DAB1: variants seen among roughly 807,000 people sequenced by gnomAD.
DAB1 encodes disabled homolog 1.
A neutral mutation model predicts 64.6 loss-of-function variants in DAB1; 15 were observed. The ratio of observed to expected loss-of-function variants is 0.23; its 90% CI spans 0.16 to 0.36. DAB1 has a LOEUF of 0.36. Ranked by LOEUF, DAB1 falls within the 10% of genes least tolerant of loss-of-function variation. The probability of loss-of-function intolerance (pLI) is 1.00; values close to 1 mark genes in which losing one functional copy is unlikely to be tolerated. For synonymous variants in DAB1, 235 were observed against 251.9 expected (o/e 0.93, Z 0.64); for missense variants, 596 against 706.7 (o/e 0.84, Z 1.78).
intron 1 of DAB1, among the ~76,000 whole-genome samples, chr1:57,841,090 G>A (rs1653028228): frequency 6.6e-6 from 1 of 152,172 alleles, no homozygotes; most frequent in East Asian, 1.9e-4. Context: ...GTAGATGGGA[G>A]AAACTGGCCA....
At chr1:57,734,524 G>A (rs532175407) in intron 6 of DAB1, among the ~76,000 whole-genome samples, 1 of 152,306 alleles carries the variant, frequency 6.6e-6, no homozygotes, top group South Asian at 2.1e-4. Flanking sequence ...GATCCACAGA[G>A]GGTCAAATCT....
chr1:57,024,173 C>T (rs373855922), intron 10 of DAB1, among the ~76,000 whole-genome samples: 3 of 152,012 alleles, frequency 2.0e-5, no homozygotes, highest in Non-Finnish European at 4.4e-5. Context: ...CTGGTGCCCC[C>T]CCGCCACACC....
intron 1 of DAB1, among the ~76,000 whole-genome samples, chr1:58,536,962 A>AT (rs1215988296): frequency 6.6e-6 from 1 of 152,012 alleles, no homozygotes; most frequent in African/African-American, 2.4e-5. Context: ...ACTCATCGAA[A>AT]TTTTCTTCTT....
At chr1:57,128,637 C>T (rs183039541) in intron 4 of DAB1, among the ~76,000 whole-genome samples, 1 of 152,126 alleles carries the variant, frequency 6.6e-6, no homozygotes, top group East Asian at 1.9e-4. Context: ...GAAACAGGGG[C>T]CCGTACAGCA....
At chr1:57,652,864 T>A (rs544923321) in intron 6 of DAB1, among the ~76,000 whole-genome samples, 1 of 152,176 alleles carries the variant, frequency 6.6e-6, no homozygotes, top group Non-Finnish European at 1.5e-5. Context: ...GAATGTCTGG[T>A]TCCAAAGCCT....
At chr1:58,427,087 G>C (rs1218801839) in intron 3 of DAB1, among the ~76,000 whole-genome samples, 5 of 152,160 alleles carry the variant, frequency 3.3e-5, no homozygotes, top group African/African-American at 1.2e-4. Context: ...AGTGTACATG[G>C]AGTGTGGTGG....
intron 9 of DAB1, among the ~76,000 whole-genome samples, chr1:57,041,822 A>T (rs1027497015): frequency 6.6e-6 from 1 of 152,252 alleles, no homozygotes; most frequent in Non-Finnish European, 1.5e-5. Flanking sequence ...ATTGCAGAAT[A>T]GAATTAGAAG....
chr1:57,934,180 C>T (rs1008912760), intron 5 of DAB1, among the ~76,000 whole-genome samples: 1 of 151,778 alleles, frequency 6.6e-6, no homozygotes, highest in African/African-American at 2.4e-5. Context: ...CCACTTTGGC[C>T]GCCCAAAGTG....
At chr1:57,711,536 C>T (rs1347656766) in intron 6 of DAB1, among the ~76,000 whole-genome samples, 2 of 152,186 alleles carry the variant, frequency 1.3e-5, no homozygotes, top group Admixed American at 1.3e-4. Context: ...CTCACGGGTG[C>T]CTGTCAAGGC....
At chr1:57,866,087 G>T (rs1357944244) in intron 1 of DAB1, among the ~76,000 whole-genome samples, 2 of 152,174 alleles carry the variant, frequency 1.3e-5, no homozygotes, top group African/African-American at 4.8e-5. Context: ...TATGAATTTT[G>T]TGGGGACACA....
chr1:57,798,144 T>C (rs1650957022), intron 6 of DAB1, among the ~76,000 whole-genome samples: 1 of 152,148 alleles, frequency 6.6e-6, no homozygotes. Flanking sequence ...CAAACCCAAA[T>C]GGCTCGCCTT....
intron 3 of DAB1, among the ~76,000 whole-genome samples, chr1:58,440,616 T>C (rs1166128822): frequency 1.3e-5 from 2 of 152,226 alleles, no homozygotes; most frequent in Non-Finnish European, 1.5e-5. Context: ...GTATGTACAG[T>C]ATGGACTTAA....
chr1:57,384,269 T>C (rs1681614097), intron 1 of DAB1, among the ~76,000 whole-genome samples: 1 of 152,134 alleles, frequency 6.6e-6, no homozygotes, highest in Admixed American at 6.6e-5. Context: ...CAAGTGTTGG[T>C]GATGATGTGG....
intron 5 of DAB1, among the ~76,000 whole-genome samples, chr1:57,922,845 CAAAAAAAAAAAA>C (rs367897659): frequency 2.2e-5 from 1 of 45,010 alleles, no homozygotes; most frequent in African/African-American, 1.1e-4. Context: ...GACTCCATCT[CAAAAAAAAAAAA>C]AAAAAAAAAA....
At chr1:58,412,359 T>C (rs896936142) in intron 3 of DAB1, among the ~76,000 whole-genome samples, 4 of 152,070 alleles carry the variant, frequency 2.6e-5, no homozygotes, top group Non-Finnish European at 5.9e-5. Context: ...ACCCAGTAAG[T>C]TCTCTCTCTT....
chr1:57,324,204 TG>T (rs1675970233), intron 1 of DAB1, among the ~76,000 whole-genome samples: 1 of 152,180 alleles, frequency 6.6e-6, no homozygotes, highest in African/African-American at 2.4e-5. Flanking sequence ...CAGAGCCAGG[TG>T]AACCGTTAAG....
chr1:57,002,180 C>T (rs760459719), intron 14 of DAB1, among the ~76,000 whole-genome samples: 21 of 152,006 alleles, frequency 1.4e-4, no homozygotes, highest in Non-Finnish European at 2.6e-4. Flanking sequence ...CAAAATCCAC[C>T]CTCTAACCTT....
intron 5 of DAB1, among the ~76,000 whole-genome samples, chr1:57,935,827 T>C (rs1470497874): frequency 6.6e-6 from 1 of 152,212 alleles, no homozygotes; most frequent in Non-Finnish European, 1.5e-5. Flanking sequence ...TCAGGCTGTC[T>C]ATGGCTGCAG....
intron 5 of DAB1, among the ~76,000 whole-genome samples, chr1:57,962,700 A>ATT (rs202107836): frequency 6.7e-6 from 1 of 148,246 alleles, no homozygotes; most frequent in African/African-American, 2.5e-5. Flanking sequence ...AATCTCTACA[A>ATT]TTTTTTTTTT....
Sources: allele counts gnomAD v4.1 joint callset (sites outside exome capture counted in the v4.1 genomes callset), GRCh38; gene constraint gnomAD v4.1.1; transcripts MANE v1.5; gene names NCBI Gene and HGNC (gene_info 2026-07-23, HGNC 2026-07-21).